Variants in PEBP4 observed in about 807,000 individuals in gnomAD.
The protein encoded by PEBP4 is phosphatidylethanolamine binding protein 4, also known as phosphatidylethanolamine-binding protein 4.
PEBP4 carries 22 observed loss-of-function variants against 23.9 expected under a neutral mutation model. The observed-to-expected ratio is 0.92, with a 90% CI of 0.66 to 1.31. PEBP4 has a LOEUF of 1.31. PEBP4 is among the 40% of genes most tolerant of loss of function. The pLI is 0.00. For synonymous variants in PEBP4, 112 were observed against 99.3 expected, an observed-to-expected ratio of 1.13 and a Z score of -0.76; for missense variants, 324 against 281.7, an observed-to-expected ratio of 1.15 and a Z score of -1.07.
At chr8:22,860,399 C>G (rs1008485885) in intron 3 of PEBP4, among the ~76,000 whole-genome samples, 4 of 152,056 alleles carry the variant, frequency 2.6e-5, no homozygotes, top group Non-Finnish European at 4.4e-5. Flanking sequence ...CCCTCTCCCC[C>G]CAGCTCCTGG....
intron 4 of PEBP4, among the ~76,000 whole-genome samples, chr8:22,729,454 G>GGGAGCAGGCAAGGGAGCAA (rs1563196664): frequency 6.6e-6 from 1 of 152,258 alleles, no homozygotes; most frequent in East Asian, 1.9e-4. Flanking sequence ...AGCAGGCAAG[G>GGGAGCAGGCAAGGGAGCAA]GTGGGGGCCA....
At chr8:22,807,463 TGAAG>T (rs1365109773) in intron 4 of PEBP4, among the ~76,000 whole-genome samples, 1 of 152,258 alleles carries the variant, frequency 6.6e-6, no homozygotes, top group African/African-American at 2.4e-5. Context: ...AATCATCCCA[TGAAG>T]GAAAGATTCA....
chr8:22,807,847 T>TCCAC (rs1333456345), intron 4 of PEBP4, among the ~76,000 whole-genome samples: 59 of 150,666 alleles, frequency 3.9e-4, no homozygotes, highest in Non-Finnish European at 7.1e-4. Flanking sequence ...CATCCATCCA[T>TCCAC]CCACCCACCC....
rs1184791155 is a variant in PEBP4, at chr8:22,766,050, A to G, written c.358-38830T>C. The stretch of plus-strand genomic sequence containing the variant: ...CGAGGAAGAGCTCTTGCCTCACACC[A>G]GTAGACACAGGCAGCCAGCTCCTTG... On this transcript the variant is annotated intron_variant, in intron 4 of 6. Transcript: ENST00000256404. Among the ~76,000 whole-genome samples the G allele has an allele frequency of 2.6e-5, 4 of 152,274 alleles. No homozygotes were observed. In the East Asian group the frequency reaches 7.7e-4, roughly 29 times the overall value.
intron 3 of PEBP4, among the ~76,000 whole-genome samples, chr8:22,830,608 T>C (rs971189283): frequency 1.2e-4 from 19 of 152,336 alleles, no homozygotes; most frequent in African/African-American, 4.6e-4. Flanking sequence ...ACACTCATCA[T>C]GTCCAACAAC....
chr8:22,909,351 G>C (rs928566862), intron 3 of PEBP4, among the ~76,000 whole-genome samples: 3 of 152,182 alleles, frequency 2.0e-5, no homozygotes, highest in African/African-American at 7.2e-5. Flanking sequence ...CTGGGAGTTC[G>C]AATGTGTAAT....
intron 4 of PEBP4, among the ~76,000 whole-genome samples, chr8:22,740,161 A>G (rs1266465066): frequency 6.6e-6 from 1 of 152,242 alleles, no homozygotes; most frequent in African/African-American, 2.4e-5. Context: ...AAAGGAAGGA[A>G]GGATGGATGG....
At chr8:22,745,433 C>G (rs181559631) in intron 4 of PEBP4, 3 of 152,216 alleles carry the variant, frequency 2.0e-5, no homozygotes, top group Non-Finnish European at 2.9e-5. Flanking sequence ...AAAAGTTTCA[C>G]GGATCCCAGG....
At chr8:22,761,045 G>A (rs79696771) in intron 4 of PEBP4, among the ~76,000 whole-genome samples, 2,219 of 152,210 alleles carry the variant, frequency 0.015, 61 homozygotes, top group African/African-American at 0.05. Context: ...GCGGGGAGGC[G>A]GGCATCAGAT....
At chr8:22,927,487 A>C in intron 2 of PEBP4, 97 bp downstream of exon 2, 8 of 1,411,074 alleles carry the variant, frequency 5.7e-6, no homozygotes, top group African/African-American at 1.5e-5. Flanking sequence ...AATCAGGCTC[A>C]GGAGATGGTG....
At chr8:22,898,348 C>A (rs1214540800) in intron 3 of PEBP4, among the ~76,000 whole-genome samples, 1 of 133,586 alleles carries the variant, frequency 7.5e-6, no homozygotes, top group Non-Finnish European at 1.5e-5. Flanking sequence ...GCCGAGATCA[C>A]ACCGCTGCAC....
intron 4 of PEBP4, among the ~76,000 whole-genome samples, chr8:22,731,235 CTCCACCTCT>C (rs1421220722): frequency 6.6e-6 from 1 of 152,172 alleles, no homozygotes; most frequent in Non-Finnish European, 1.5e-5. Context: ...GTTGCACCTC[CTCCACCTCT>C]TCCACCTCTT....
At chr8:22,816,409 C>T (rs2128761617) in intron 4 of PEBP4, among the ~76,000 whole-genome samples, 1 of 152,342 alleles carries the variant, frequency 6.6e-6, no homozygotes, top group East Asian at 1.9e-4. Flanking sequence ...CTCTCACCCC[C>T]CTACTCCCAC....
In PEBP4 at chr8:22,892,744, G is replaced by A. The variant is rs116442211; in HGVS notation, c.258+27440C>T. On this transcript the variant is annotated intron_variant, in intron 3 of 6. Transcript: ENST00000256404. The stretch of plus-strand genomic sequence containing the variant: ...TACCACCTGAAACAATGAAAACACC[G>A]AACAAAATACATGAAACAATGGTTT... Among the ~76,000 whole-genome samples the A allele has an allele frequency of 5.0e-3, 754 of 152,246 alleles. 7 individuals are homozygous for A. The highest frequency in any genetic ancestry group is 0.017 in the African/African-American group (708 of 41,562).
At chr8:22,718,779 G>GT (rs1236568952) in intron 6 of PEBP4, among the ~76,000 whole-genome samples, 3 of 152,134 alleles carry the variant, frequency 2.0e-5, no homozygotes, top group Non-Finnish European at 2.9e-5. Flanking sequence ...GTGTGCGCTG[G>GT]TGGGGGGCAG....
chr8:22,932,816 C>A (rs1281075589), upstream of PEBP4, among the ~76,000 whole-genome samples: 1 of 152,038 alleles, frequency 6.6e-6, no homozygotes, highest in Non-Finnish European at 1.5e-5. Context: ...ACCAGCCTGT[C>A]CAACATGGTG....
In PEBP4 at chr8:22,790,040, C is replaced by T. The variant is rs548984731; in HGVS notation, c.357+27597G>A. On this transcript the variant is annotated intron_variant, in intron 4 of 6. Coordinates refer to ENST00000256404, the MANE Select transcript of PEBP4 (RefSeq NM_144962.3). ...TGACCCCCATGGCCGCTCCGTCATCCCTCTCCTGGGCCACTGAATAGCCTG... is the reference window on the plus strand; with the variant it reads ...TGACCCCCATGGCCGCTCCGTCATCTCTCTCCTGGGCCACTGAATAGCCTG... 1.3e-3 allele frequency among the ~76,000 whole-genome samples: 200 copies of T among 152,316 alleles called. 10 individuals carry two copies. The South Asian group carries it at 0.041, about 31-fold the overall frequency.
At chr8:22,833,134 C>T (rs1585297782) in intron 3 of PEBP4, among the ~76,000 whole-genome samples, 1 of 152,356 alleles carries the variant, frequency 6.6e-6, no homozygotes, top group African/African-American at 2.4e-5. Context: ...GTGTGGTGTG[C>T]TGTGCCTCCT....
intron 4 of PEBP4, among the ~76,000 whole-genome samples, chr8:22,748,826 C>T (rs1805185166): frequency 2.0e-5 from 3 of 152,306 alleles, no homozygotes; most frequent in Middle Eastern, 3.4e-3. Flanking sequence ...CCCAGGAGAA[C>T]AGGAGAGGCC....
Sources: gnomAD v4.1 joint callset for allele counts (sites outside exome capture counted in the v4.1 genomes callset) on GRCh38, gnomAD v4.1.1 for gene constraint, MANE v1.5 for transcripts, NCBI Gene and HGNC (gene_info 2026-07-23, HGNC 2026-07-21) for gene names.